Variants in ATF2 observed in about 807,000 individuals in gnomAD.
The protein encoded by ATF2 is cyclic AMP-dependent transcription factor ATF-2.
ATF2 carries 24 observed loss-of-function variants against 60.6 expected under a neutral mutation model. The ratio of observed to expected loss-of-function variants is 0.40; its 90% CI spans 0.29 to 0.56. The LOEUF is 0.56. ATF2 is among the 20% of genes least tolerant of loss of function. The pLI is 0.54. For missense variants in ATF2, 433 were observed against 607.7 expected, an observed-to-expected ratio of 0.71 and a Z score of 3.02; for synonymous variants, 206 against 215.4, an observed-to-expected ratio of 0.96 and a Z score of 0.38.
intron 10 of ATF2, among the ~76,000 whole-genome samples, chr2:175,099,804 T>C (rs557486358): frequency 6.6e-6 from 1 of 152,372 alleles, no homozygotes; most frequent in South Asian, 2.1e-4. Context: ...CCCAGATCTC[T>C]TTAATTTCAA....
intron 7 of ATF2, among the ~76,000 whole-genome samples, chr2:175,117,777 T>A (rs567493083): frequency 6.6e-6 from 1 of 152,106 alleles, no homozygotes; most frequent in Non-Finnish European, 1.5e-5. Context: ...AAGTTTTATG[T>A]AACATGACTG....
At chr2:175,162,217 A>G (rs180706722) in intron 1 of ATF2, among the ~76,000 whole-genome samples, 42 of 152,390 alleles carry the variant, frequency 2.8e-4, no homozygotes, top group African/African-American at 9.9e-4. Flanking sequence ...GAAATACACA[A>G]TATTTGTCAC....
intron 13 of ATF2, 192 bp from the exon 14 acceptor site, chr2:175,075,027 C>T (rs1693199226): frequency 6.9e-6 from 10 of 1,457,750 alleles, no homozygotes; most frequent in Admixed American, 2.2e-5. Context: ...AAGGCACAAC[C>T]ATGCATATGG....
intron 10 of ATF2, among the ~76,000 whole-genome samples, chr2:175,108,400 C>A (rs1270414003): frequency 4.0e-5 from 6 of 150,814 alleles, no homozygotes; most frequent in African/African-American, 4.9e-5. Flanking sequence ...CCAGCCGCCC[C>A]GTCCGGGAGG....
At chr2:175,132,193 G>A (rs560711119) in intron 3 of ATF2, among the ~76,000 whole-genome samples, 5 of 152,190 alleles carry the variant, frequency 3.3e-5, no homozygotes, top group South Asian at 2.1e-4. Flanking sequence ...TTCACAGACC[G>A]CTCTCACATT....
intron 2 of ATF2, among the ~76,000 whole-genome samples, chr2:175,143,204 A>AT (rs1559110541): frequency 1.3e-5 from 2 of 152,218 alleles, no homozygotes; most frequent in Non-Finnish European, 1.5e-5. Context: ...TACTGTTAAC[A>AT]TTTCAGAGTA....
In ATF2 at chr2:175,147,196, G is replaced by A. The variant is rs76930696; in HGVS notation, c.-44+3864C>T. 3.8e-4 allele frequency among the ~76,000 whole-genome samples: 58 copies of A among 152,222 alleles called. 1 individual carries two copies. In the East Asian group the frequency reaches 9.3e-3, roughly 24 times the overall value. The stretch of plus-strand genomic sequence containing the variant: ...ATATGACATGTAGGTTAAGTCTGTT[G>A]AGGAAAAGGAAGATGCTTTAGGCTG... On this transcript the variant is annotated intron_variant, in intron 2 of 13. Transcript: ENST00000264110.
At chr2:175,085,325 A>G (rs1694075354) in intron 12 of ATF2, among the ~76,000 whole-genome samples, 1 of 152,108 alleles carries the variant, frequency 6.6e-6, no homozygotes, top group African/African-American at 2.4e-5. Flanking sequence ...ACTTGAGGTC[A>G]GGAGTTTAAG....
At chr2:175,108,710 C>A (rs965018117) in intron 10 of ATF2, among the ~76,000 whole-genome samples, 1 of 152,094 alleles carries the variant, frequency 6.6e-6, no homozygotes, top group Non-Finnish European at 1.5e-5. Flanking sequence ...GCCATGATGA[C>A]GATGGCGGTT....
chr2:175,119,730 A>G (rs1009923134), intron 5 of ATF2, among the ~76,000 whole-genome samples: 1 of 151,656 alleles, frequency 6.6e-6, no homozygotes, highest in Non-Finnish European at 1.5e-5. Flanking sequence ...CATCATGACT[A>G]AATTAGTAGG....
At chr2:175,143,681 T>C (rs1195678891) in intron 2 of ATF2, among the ~76,000 whole-genome samples, 2 of 152,346 alleles carry the variant, frequency 1.3e-5, no homozygotes, top group East Asian at 3.9e-4. Flanking sequence ...TTTTGTCATA[T>C]TAGTAAAAAA....
chr2:175,142,720 AGTGTGT>A (rs755635658), intron 2 of ATF2, among the ~76,000 whole-genome samples: 14 of 71,184 alleles, frequency 2.0e-4, no homozygotes, highest in Admixed American at 6.1e-4. Flanking sequence ...AGAGAGAGAG[AGTGTGT>A]GTGTGTGTGT....
At chr2:175,155,513 T>C (rs1177868000) in intron 1 of ATF2, among the ~76,000 whole-genome samples, 1 of 152,228 alleles carries the variant, frequency 6.6e-6, no homozygotes, top group Non-Finnish European at 1.5e-5. Context: ...TTTCATTTAA[T>C]GATTACCTCT....
At chr2:175,125,915 T>C (rs955065107) in intron 4 of ATF2, among the ~76,000 whole-genome samples, 104 of 152,290 alleles carry the variant, frequency 6.8e-4, no homozygotes, top group African/African-American at 2.4e-3. Context: ...AAATATGCTG[T>C]GATATTCCCA....
intron 11 of ATF2, among the ~76,000 whole-genome samples, chr2:175,094,057 C>A (rs74545653): frequency 6.6e-6 from 1 of 152,070 alleles, no homozygotes; most frequent in Non-Finnish European, 1.5e-5. Flanking sequence ...CTTTCACAAA[C>A]CCCAAAACTG....
intron 12 of ATF2, among the ~76,000 whole-genome samples, 197 bp downstream of exon 12, chr2:175,092,864 T>A (rs531622748): frequency 6.6e-6 from 1 of 152,300 alleles, no homozygotes; most frequent in South Asian, 2.1e-4. Flanking sequence ...TTCTTCACTG[T>A]ATCAGTGTTG....
At chr2:175,089,169 A>T (rs1478228751) in intron 12 of ATF2, among the ~76,000 whole-genome samples, 1 of 148,002 alleles carries the variant, frequency 6.8e-6, no homozygotes, top group Non-Finnish European at 1.5e-5. Context: ...AATAAGAGCA[A>T]AACTCTGTCT....
intron 9 of ATF2, 132 bp from the exon 10 acceptor site, chr2:175,111,786 T>G (rs774180502): frequency 1.4e-6 from 1 of 737,158 alleles, no homozygotes; most frequent in Non-Finnish European, 2.1e-6. Flanking sequence ...TGATTTTATC[T>G]CTATACCAAA....
At chr2:175,078,102 G>C (rs1341359916) in intron 13 of ATF2, among the ~76,000 whole-genome samples, 1 of 152,146 alleles carries the variant, frequency 6.6e-6, no homozygotes, top group Non-Finnish European at 1.5e-5. Context: ...CAAGTAGCTG[G>C]GACTATAGGT....
Sources: gnomAD v4.1 joint callset for allele counts (sites outside exome capture counted in the v4.1 genomes callset) on GRCh38, gnomAD v4.1.1 for gene constraint, MANE v1.5 for transcripts, NCBI Gene and HGNC (gene_info 2026-07-23, HGNC 2026-07-21) for gene names.